The following UBTD2 variants were observed in gnomAD, a reference collection of about 807,000 sequenced individuals.
The protein encoded by UBTD2 is ubiquitin domain-containing protein 2.
A neutral mutation model predicts 19.8 loss-of-function variants in UBTD2; 9 were observed. The ratio of observed to expected loss-of-function variants is 0.46; its 90% CI spans 0.27 to 0.79. The LOEUF (loss-of-function observed/expected upper bound fraction) is 0.79. UBTD2 is among the 30% of genes least tolerant of loss of function. The pLI, the probability that UBTD2 is intolerant of heterozygous loss-of-function variation, is 0.14. For missense variants in UBTD2, 250 were observed against 300.4 expected (o/e 0.83, Z 1.24); for synonymous variants, 98 against 103.9 (o/e 0.94, Z 0.35).
intron 1 of UBTD2, among the ~76,000 whole-genome samples, chr5:172,251,391 T>C (rs1755015186): frequency 1.5e-5 from 2 of 132,376 alleles, no homozygotes; most frequent in Admixed American, 1.7e-4. Context: ...CAGTTCCACA[T>C]ACAGAAAAAT....
intron 1 of UBTD2, among the ~76,000 whole-genome samples, chr5:172,270,350 ATTTT>A (rs758440849): frequency 0.27 from 26,280 of 97,742 alleles, 1,921 homozygotes; most frequent in South Asian, 0.36. Flanking sequence ...GAATTTTAGA[ATTTT>A]TTTTTTTTTT....
Position 172,211,983 on chromosome 5 carries a change from TGCTGCATGCAACC to T in UBTD2, c.539_551del (p.Arg180GlnfsTer22), listed in dbSNP as rs1335291969. The T allele has an allele frequency of 6.2e-7, 1 of 1,614,132 alleles. No homozygotes were observed. Among genetic ancestry groups the T allele is most frequent in the African/African-American group, 1.3e-5 (1 of 74,946 alleles). On this transcript the variant is annotated frameshift_variant, in exon 3 of 3. Transcript: ENST00000393792. LOFTEE classifies it high-confidence loss of function. Reference sequence around the variant, plus strand: ...GCTGACTACCTGGTTCCACTCCCTCTGCTGCATGCAACCGTCTCTTCATGTGGAATACTGTGTC... The same window carrying T: ...GCTGACTACCTGGTTCCACTCCCTCTGTCTCTTCATGTGGAATACTGTGTC...
intron 1 of UBTD2, among the ~76,000 whole-genome samples, chr5:172,236,915 T>C (rs1037944197): frequency 6.6e-6 from 1 of 152,170 alleles, no homozygotes; most frequent in African/African-American, 2.4e-5. Flanking sequence ...ACAATCATAA[T>C]AAGGGTACAA....
intron 1 of UBTD2, chr5:172,242,314 T>A (rs1268702813): frequency 1.2e-5 from 11 of 942,448 alleles, no homozygotes; most frequent in South Asian, 4.9e-5. Flanking sequence ...CCTAAGAAAA[T>A]TTTTTAAAAA....
chr5:172,281,136 A>G, intron 1 of UBTD2, among the ~76,000 whole-genome samples: 1 of 152,138 alleles, frequency 6.6e-6, no homozygotes, highest in East Asian at 1.9e-4. Flanking sequence ...CTGGGGCTCA[A>G]GCAATCCTCT....
At chr5:172,225,861 C>A (rs1771751537) in intron 2 of UBTD2, among the ~76,000 whole-genome samples, 1 of 151,882 alleles carries the variant, frequency 6.6e-6, no homozygotes. Flanking sequence ...GCACTATGAG[C>A]CTCTTCCAAA....
chr5:172,234,026 A>C, intron 2 of UBTD2, 96 bp downstream of exon 2: 1 of 1,298,978 alleles, frequency 7.7e-7, no homozygotes, highest in Non-Finnish European at 1.1e-6. Flanking sequence ...AGTTAGAATA[A>C]TTCATAGCAA....
intron 1 of UBTD2, among the ~76,000 whole-genome samples, chr5:172,258,018 CACCT>C (rs1213332814): frequency 2.6e-5 from 4 of 152,294 alleles, no homozygotes; most frequent in Non-Finnish European, 1.5e-5. Flanking sequence ...ACTTAGGTCC[CACCT>C]GTCAATTTTT....
intron 1 of UBTD2, among the ~76,000 whole-genome samples, chr5:172,266,889 G>T (rs1329350876): frequency 6.6e-6 from 1 of 152,036 alleles, no homozygotes; most frequent in East Asian, 1.9e-4. Flanking sequence ...AAAATTTAGA[G>T]ATCAGCCAGG....
intron 1 of UBTD2, among the ~76,000 whole-genome samples, chr5:172,234,585 C>A (rs1771971016): frequency 6.6e-6 from 1 of 152,130 alleles, no homozygotes. Flanking sequence ...CTCTTTTCCA[C>A]TCAGTACACC....
intron 1 of UBTD2, among the ~76,000 whole-genome samples, chr5:172,239,891 G>A (rs560491480): frequency 1.3e-5 from 2 of 152,192 alleles, no homozygotes; most frequent in South Asian, 4.2e-4. Flanking sequence ...GCAACAGAGC[G>A]AGACTCCGTC....
In UBTD2 at chr5:172,277,784, G is replaced by A. The variant is rs867455197; in HGVS notation, c.70+5812C>T. On this transcript the variant is annotated intron_variant, in intron 1 of 2. Transcript: ENST00000393792. ...TGAAAAGACAACTCACAGAATGGGG[G>A]AAAATATCTGCATATCATATATTTG... is the stretch of plus-strand genomic sequence containing the variant. Among the ~76,000 whole-genome samples the A allele has an allele frequency of 4.4e-5, 6 of 134,872 alleles. No homozygotes were observed. The South Asian group carries it at 9.7e-4, about 22-fold the overall frequency. 88.5% of individuals were successfully genotyped at this position (134,872 alleles called of 152,430 possible). A position where few individuals can be genotyped will look rare whatever the true frequency, so the allele number is the denominator to read the frequency against.
intron 1 of UBTD2, among the ~76,000 whole-genome samples, chr5:172,274,508 G>A (rs1169969056): frequency 8.5e-5 from 13 of 152,056 alleles, no homozygotes; most frequent in African/African-American, 2.4e-4. Flanking sequence ...CCAGTTAGAT[G>A]ATGTGTAGAA....
intron 1 of UBTD2, among the ~76,000 whole-genome samples, chr5:172,269,178 A>G (rs749739530): frequency 3.9e-5 from 6 of 152,130 alleles, no homozygotes; most frequent in Non-Finnish European, 7.3e-5. Context: ...ACTTTTCAGT[A>G]TGTTTGAAAA....
chr5:172,241,174 G>C (rs1421326841), intron 1 of UBTD2, among the ~76,000 whole-genome samples: 1 of 151,988 alleles, frequency 6.6e-6, no homozygotes, highest in Non-Finnish European at 1.5e-5. Flanking sequence ...AGCACTTTGG[G>C]AGGCCGACGT....
In UBTD2 at chr5:172,210,208, CATG is replaced by C. The variant is rs1208835022; in HGVS notation, c.*1619_*1621del. The C allele has an allele frequency of 3.3e-5, 5 of 152,166 alleles. No homozygotes were observed. The highest frequency in any genetic ancestry group is 6.5e-5 in the Admixed American group (1 of 15,276). 9.4% of individuals were successfully genotyped at this position (152,166 alleles called of 1,614,324 possible). ...AGGAAGTAGTTAAAGCTCTCAGAAACATGATGTTACAATTACAGATATATTTAA... is the reference window on the plus strand; with the variant it reads ...AGGAAGTAGTTAAAGCTCTCAGAAACATGTTACAATTACAGATATATTTAA... On this transcript the variant is annotated 3_prime_UTR_variant, in exon 3 of 3. Transcript: ENST00000393792.
intron 1 of UBTD2, among the ~76,000 whole-genome samples, chr5:172,237,992 C>G (rs1254893451): frequency 1.3e-5 from 2 of 152,180 alleles, no homozygotes; most frequent in East Asian, 1.9e-4. Flanking sequence ...ACTTGCTAGG[C>G]ATTTGTTCAC....
chr5:172,243,554 CTTTTTTTTTTTT>C lies in UBTD2; in HGVS notation c.71-9208_71-9197del, dbSNP rs58327908. Among the ~76,000 whole-genome samples, 4 of 101,072 alleles carry C rather than the reference CTTTTTTTTTTTT, an allele frequency of 4.0e-5. No homozygotes were observed. The Admixed American group carries it at 5.1e-4, about 13-fold the overall frequency. The allele number at this position is 101,072 out of a possible 152,430, so 66.3% of individuals were successfully genotyped here. A position where few individuals can be genotyped will look rare whatever the true frequency, so the allele number is the denominator to read the frequency against. On this transcript the variant is annotated intron_variant, in intron 1 of 2. Transcript: ENST00000393792. ...TCCAGCCTCCAGAATTGTGAGAAAC[CTTTTTTTTTTTT>C]TTTTTTTTTTTAAGAGAGGGAGTTT...
intron 1 of UBTD2, among the ~76,000 whole-genome samples, chr5:172,264,971 T>C (rs894347120): frequency 2.6e-5 from 4 of 152,236 alleles, no homozygotes; most frequent in South Asian, 2.1e-4. Flanking sequence ...GTACTCAGTA[T>C]AGGCTGCACA....
Sources: gnomAD v4.1 joint callset for allele counts (sites outside exome capture counted in the v4.1 genomes callset) on GRCh38, gnomAD v4.1.1 for gene constraint, MANE v1.5 for transcripts, NCBI Gene and HGNC (gene_info 2026-07-23, HGNC 2026-07-21) for gene names.